The following THNSL1 variants were observed in gnomAD, a reference collection of about 807,000 sequenced individuals.
The protein encoded by THNSL1 is threonine synthase like 1, also known as threonine synthase-like 1.
THNSL1 carries 48 observed loss-of-function variants against 50.4 expected under a neutral mutation model. The observed-to-expected ratio is 0.95, with a 90% CI of 0.76 to 1.21. The LOEUF is 1.21. Among genes scored for constraint, THNSL1 ranks in the 50% most tolerant of loss-of-function variants. The pLI, the probability that THNSL1 is intolerant of heterozygous loss-of-function variation, is 0.00. For missense variants in THNSL1, 896 were observed against 871.7 expected, an observed-to-expected ratio of 1.03 and a Z score of -0.35; for synonymous variants, 309 against 306.1, an observed-to-expected ratio of 1.01 and a Z score of -0.10.
At chr10:25,006,638 T>TC in the THNSL1 span, among the ~76,000 whole-genome samples, 12 of 152,086 alleles carry the variant, frequency 7.9e-5, no homozygotes, top group Admixed American at 3.9e-4. Context: ...GATAGCCTCA[T>TC]CAAAAAAAAC....
At chr10:25,018,733 A>G (rs887502906) in intron 1 of THNSL1, among the ~76,000 whole-genome samples, 2 of 146,798 alleles carry the variant, frequency 1.4e-5, no homozygotes, top group East Asian at 2.0e-4. Context: ...AGATGAGTAT[A>G]TAAGACAATT....
the THNSL1 span, chr10:24,983,982 G>T: frequency 5.8e-6 from 1 of 171,526 alleles, no homozygotes; most frequent in Non-Finnish European, 1.2e-5. Flanking sequence ...AAGTAGAAAG[G>T]ACCAAAAGGA....
the THNSL1 span, among the ~76,000 whole-genome samples, chr10:24,987,504 C>A: frequency 5.3e-5 from 8 of 152,056 alleles, no homozygotes; most frequent in African/African-American, 1.9e-4. Context: ...AAAAAATCAG[C>A]CAGGCATGGT....
In THNSL1 at chr10:25,024,646, C is replaced by G. The variant is rs200567760; in HGVS notation, c.1423C>G (p.Arg475Gly). 6.2e-7 allele frequency: 1 copy of G among 1,614,182 alleles called. No individual in the cohort carries two copies. The highest frequency in any genetic ancestry group is 8.5e-7 in the Non-Finnish European group (1 of 1,180,040). The change falls in exon 3 of 3, where the codon CGA becomes GGA. Residue 475 changes from arginine to glycine, a missense_variant. Physicochemically the swap from Arg to Gly is moderately radical, Grantham distance 125. Transcript: ENST00000376356. Reference sequence around the variant, plus strand: ...TTCGGCTAACTCCATAAACTGGGGCCGACTACTTCCGCAGGTAGTTTATCA... The same window carrying G: ...TTCGGCTAACTCCATAAACTGGGGCGGACTACTTCCGCAGGTAGTTTATCA... ...LSSANSINWG[R>G]LLPQVVYHAS...
the THNSL1 span, among the ~76,000 whole-genome samples, chr10:24,960,982 G>C: frequency 6.6e-6 from 1 of 152,224 alleles, no homozygotes; most frequent in Non-Finnish European, 1.5e-5. Context: ...CTGACTCATA[G>C]AGGGTCAAAT....
the THNSL1 span, among the ~76,000 whole-genome samples, chr10:25,003,216 C>T: frequency 2.0e-5 from 3 of 151,682 alleles, no homozygotes; most frequent in African/African-American, 7.3e-5. Context: ...TTTGCCCGCT[C>T]TGTTGCCCAG....
the THNSL1 span, among the ~76,000 whole-genome samples, chr10:24,967,756 G>T: frequency 6.6e-6 from 1 of 151,544 alleles, no homozygotes; most frequent in East Asian, 1.9e-4. Flanking sequence ...TATGATGTAT[G>T]TATATGCACG....
At chr10:24,984,279 T>C in the THNSL1 span, 6 of 1,380,548 alleles carry the variant, frequency 4.3e-6, no homozygotes, top group Middle Eastern at 1.9e-4. Context: ...TCAGAAACAA[T>C]GTGTTGGAGA....
In THNSL1 at chr10:25,025,628, G is replaced by A. The variant is rs1850835396; in HGVS notation, c.*173G>A. ...ATGAGAACTCCATGTCACCTCCTCA[G>A]ATCTTTAATCTGGAAGTGACAAAAG... On this transcript the variant is annotated 3_prime_UTR_variant, in exon 3 of 3. Transcript: ENST00000376356. 4.7e-6 allele frequency: 3 copies of A among 637,688 alleles called. No homozygotes were observed. Among genetic ancestry groups the A allele is most frequent in the Non-Finnish European group, 5.4e-6 (2 of 367,426 alleles). 39.5% of individuals were successfully genotyped at this position (637,688 alleles called of 1,614,324 possible). A position where few individuals can be genotyped will look rare whatever the true frequency, so the allele number is the denominator to read the frequency against.
rs756982622 is a variant in THNSL1, at chr10:25,024,914, T to C, written c.1691T>C (p.Ile564Thr). 5 of 1,613,790 alleles carry C rather than the reference T, an allele frequency of 3.1e-6. No homozygotes were observed. The highest frequency in any genetic ancestry group is 2.7e-5 in the African/African-American group (2 of 74,928). The part of the protein sequence containing the change: ...RKLAQTFSPS[I>T]DILKSSNLER... The stretch of plus-strand genomic sequence containing the variant: ...CTAGCACAAACCTTTTCACCGTCAA[T>C]AGATATTCTCAAATCTTCAAACCTA... Residue 564 changes from isoleucine (I) to threonine (T), a missense_variant, in exon 3 of 3, where the codon ATA becomes ACA. Transcript: ENST00000376356.
chr10:24,955,384 T>C, the THNSL1 span, among the ~76,000 whole-genome samples: 1 of 152,180 alleles, frequency 6.6e-6, no homozygotes, highest in East Asian at 1.9e-4. Context: ...GACCTCTATT[T>C]TTCTGTAACA....
chr10:24,964,300 G>A, the THNSL1 span, among the ~76,000 whole-genome samples: 2 of 152,178 alleles, frequency 1.3e-5, no homozygotes, highest in Non-Finnish European at 2.9e-5. Flanking sequence ...GGAGGTAAAT[G>A]AAAATGTTAG....
the THNSL1 span, among the ~76,000 whole-genome samples, chr10:24,958,770 T>C: frequency 6.6e-6 from 1 of 152,208 alleles, no homozygotes; most frequent in African/African-American, 2.4e-5. Flanking sequence ...TCTCTTGCAA[T>C]AATGTCAGAC....
chr10:25,025,311 T>G lies in THNSL1; in HGVS notation c.2088T>G (p.Gly696=). Residue 696 remains glycine (G), a synonymous_variant, in exon 3 of 3, where the codon GGT becomes GGG. Coordinates refer to ENST00000376356, the MANE Select transcript of THNSL1 (RefSeq NM_024838.5). ...ETSSSQLYLL[G]SYNALPPLHE... ...CATCAAGTCAGCTCTATTTGCTGGG[T>G]TCATACAATGCATTACCTCCACTGC... The G allele has an allele frequency of 6.2e-7, 1 of 1,614,192 alleles. No individual in the cohort carries two copies. Among genetic ancestry groups the G allele is most frequent in the Non-Finnish European group, 8.5e-7 (1 of 1,180,046 alleles).
upstream of THNSL1, among the ~76,000 whole-genome samples, chr10:25,012,396 A>G (rs112375842): frequency 7.2e-5 from 11 of 152,308 alleles, no homozygotes; most frequent in African/African-American, 2.6e-4. Flanking sequence ...AGCATGCACC[A>G]TGCACCCAGA....
chr10:24,998,599 C>G, the THNSL1 span, among the ~76,000 whole-genome samples: 16 of 151,860 alleles, frequency 1.1e-4, no homozygotes, highest in East Asian at 2.9e-3. Flanking sequence ...CCCAGGTGCT[C>G]TCTTTTCTTT....
At chr10:24,974,971 C>CTAGT in the THNSL1 span, among the ~76,000 whole-genome samples, 1 of 152,162 alleles carries the variant, frequency 6.6e-6, no homozygotes, top group African/African-American at 2.4e-5. Flanking sequence ...AGCATTCTTG[C>CTAGT]TAGTTAGTGC....
chr10:24,983,787 T>G, the THNSL1 span: 3 of 152,190 alleles, frequency 2.0e-5, no homozygotes, highest in East Asian at 1.9e-4. Flanking sequence ...TCTCTGATAT[T>G]TTATAGTTGC....
chr10:25,014,772 T>C (rs191269478), upstream of THNSL1, among the ~76,000 whole-genome samples: 23 of 152,340 alleles, frequency 1.5e-4, no homozygotes, highest in Non-Finnish European at 2.9e-4. Flanking sequence ...TCTCTAGATG[T>C]TGATATGCTA....
Sources: allele counts gnomAD v4.1 joint callset (sites outside exome capture counted in the v4.1 genomes callset), GRCh38; gene constraint gnomAD v4.1.1; transcripts MANE v1.5; gene names NCBI Gene and HGNC (gene_info 2026-07-23, HGNC 2026-07-21).